The following MDGA2 variants were observed in gnomAD, a reference collection of about 807,000 sequenced individuals.
MDGA2 encodes MAM domain-containing glycosylphosphatidylinositol anchor protein 2.
In MDGA2, 40 loss-of-function variants were observed where a neutral mutation model predicts 117.8. That is an observed-to-expected ratio of 0.34 (90% CI 0.26 to 0.44). The LOEUF (loss-of-function observed/expected upper bound fraction) is 0.44. Ranked by LOEUF, MDGA2 falls within the 20% of genes least tolerant of loss-of-function variation. The probability of loss-of-function intolerance (pLI) is 1.00; values close to 1 mark genes in which losing one functional copy is unlikely to be tolerated. For synonymous variants in MDGA2, 452 were observed against 439.0 expected (o/e 1.03, Z -0.37); for missense variants, 1,123 against 1,250.6 (o/e 0.90, Z 1.54).
intron 1 of MDGA2, among the ~76,000 whole-genome samples, chr14:47,302,625 A>C (rs1052224537): frequency 2.6e-5 from 4 of 152,184 alleles, no homozygotes; most frequent in African/African-American, 9.6e-5. Flanking sequence ...CTAACATTAA[A>C]GACAATGAAT....
At chr14:47,553,755 T>A (rs1895631863) in intron 1 of MDGA2, among the ~76,000 whole-genome samples, 1 of 151,666 alleles carries the variant, frequency 6.6e-6, no homozygotes, top group East Asian at 1.9e-4. Flanking sequence ...ATAGAAAAAA[T>A]ATGGCATAAA....
intron 3 of MDGA2, among the ~76,000 whole-genome samples, chr14:47,197,833 T>C (rs1885343929): frequency 6.6e-6 from 1 of 151,956 alleles, no homozygotes; most frequent in Non-Finnish European, 1.5e-5. Flanking sequence ...CATGTGAACC[T>C]GGGATGCAGA....
At chr14:47,274,333 G>A (rs988926293) in intron 2 of MDGA2, among the ~76,000 whole-genome samples, 4 of 151,928 alleles carry the variant, frequency 2.6e-5, no homozygotes, top group Admixed American at 6.6e-5. Flanking sequence ...AAGTATGCAC[G>A]ATGTTTTTTT....
At chr14:47,295,834 G>A (rs1889046755) in intron 2 of MDGA2, among the ~76,000 whole-genome samples, 1 of 152,058 alleles carries the variant, frequency 6.6e-6, no homozygotes, top group Non-Finnish European at 1.5e-5. Context: ...AACCCAAGAG[G>A]CGGAGGTTGC....
At chr14:47,475,483 C>A (rs1376151370) in intron 1 of MDGA2, among the ~76,000 whole-genome samples, 1 of 152,094 alleles carries the variant, frequency 6.6e-6, no homozygotes, top group Non-Finnish European at 1.5e-5. Flanking sequence ...TGGCTATATA[C>A]CCGAAAGAAT....
chr14:47,530,471 T>C (rs1233393780), intron 1 of MDGA2, among the ~76,000 whole-genome samples: 1 of 152,216 alleles, frequency 6.6e-6, no homozygotes, highest in Non-Finnish European at 1.5e-5. Context: ...TAAATTCTTA[T>C]CTCTGTATAC....
intron 7 of MDGA2, among the ~76,000 whole-genome samples, chr14:47,050,666 T>C (rs1006905455): frequency 1.3e-5 from 2 of 152,022 alleles, no homozygotes; most frequent in African/African-American, 4.8e-5. Context: ...GATAGCAATT[T>C]AGAAACCCAA....
chr14:46,895,765 A>G (rs1883053008), intron 10 of MDGA2, among the ~76,000 whole-genome samples: 1 of 152,030 alleles, frequency 6.6e-6, no homozygotes, highest in Non-Finnish European at 1.5e-5. Context: ...GTATATTTCT[A>G]TAAACCTACA....
At chr14:47,011,091 A>G (rs1380204696) in intron 8 of MDGA2, among the ~76,000 whole-genome samples, 1 of 152,028 alleles carries the variant, frequency 6.6e-6, no homozygotes, top group Non-Finnish European at 1.5e-5. Flanking sequence ...TTTTAGCATC[A>G]TAGGGAAAAG....
Position 47,055,002 on chromosome 14 carries a change from CTT to C in MDGA2, c.1525+6245_1525+6246del, listed in dbSNP as rs10640408. Among the ~76,000 whole-genome samples the C allele has an allele frequency of 2.0e-3, 249 of 125,666 alleles. 1 individual carries two copies. Among genetic ancestry groups the C allele is most frequent in the Non-Finnish European group, 2.7e-3 (171 of 62,182 alleles). The allele number at this position is 125,666 out of a possible 152,430, so 82.4% of individuals were successfully genotyped here. A position where few individuals can be genotyped will look rare whatever the true frequency, so the allele number is the denominator to read the frequency against. ...CCGTTGTCCAATTTTTTTTTCTTTTCTTTTTTTTTTTTTTTTTCCAACAGATC... is the reference window on the plus strand; with the variant it reads ...CCGTTGTCCAATTTTTTTTTCTTTTCTTTTTTTTTTTTTTTCCAACAGATC... On this transcript the variant is annotated intron_variant, in intron 7 of 16. Coordinates refer to ENST00000399232, the MANE Select transcript of MDGA2 (RefSeq NM_001113498.3).
chr14:47,470,461 C>T (rs936767877), intron 1 of MDGA2, among the ~76,000 whole-genome samples: 1 of 152,106 alleles, frequency 6.6e-6, no homozygotes, highest in East Asian at 1.9e-4. Flanking sequence ...TTTTTTATGG[C>T]TGCATAGTAT....
chr14:46,908,655 T>C (rs566833906), intron 10 of MDGA2, among the ~76,000 whole-genome samples: 7 of 152,286 alleles, frequency 4.6e-5, no homozygotes, highest in African/African-American at 1.7e-4. Flanking sequence ...ATTTAAACTG[T>C]ATTCCAGATC....
chr14:47,415,221 A>C (rs1415673775), intron 1 of MDGA2, among the ~76,000 whole-genome samples: 1 of 152,208 alleles, frequency 6.6e-6, no homozygotes, highest in African/African-American at 2.4e-5. Flanking sequence ...TGGATTAATC[A>C]ATAGAGATAT....
intron 1 of MDGA2, among the ~76,000 whole-genome samples, chr14:47,602,333 G>C (rs1331790368): frequency 1.3e-5 from 2 of 152,058 alleles, no homozygotes; most frequent in African/African-American, 4.8e-5. Flanking sequence ...ACTAATTAAT[G>C]CCTGCTTCCA....
chr14:47,128,228 T>A (rs780570698), intron 5 of MDGA2, among the ~76,000 whole-genome samples: 1 of 101,682 alleles, frequency 9.8e-6, no homozygotes, highest in Non-Finnish European at 2.2e-5. Context: ...ATGTGTCAGA[T>A]GATAGAAAAA....
intron 3 of MDGA2, among the ~76,000 whole-genome samples, chr14:47,188,130 T>G (rs912331215): frequency 2.0e-5 from 3 of 152,190 alleles, no homozygotes; most frequent in Admixed American, 1.3e-4. Flanking sequence ...TCACTATTTG[T>G]GAAAAGTAGC....
intron 1 of MDGA2, among the ~76,000 whole-genome samples, chr14:47,418,365 T>G (rs1167451531): frequency 1.3e-5 from 2 of 152,126 alleles, no homozygotes. Context: ...GGATTACAGG[T>G]GCGAGCCACC....
intron 1 of MDGA2, among the ~76,000 whole-genome samples, chr14:47,476,166 A>G (rs1203347277): frequency 6.6e-6 from 1 of 152,220 alleles, no homozygotes; most frequent in Non-Finnish European, 1.5e-5. Context: ...AAATTATCAA[A>G]AGTATAACAA....
At chr14:47,005,340 A>G (rs1168475697) in intron 8 of MDGA2, among the ~76,000 whole-genome samples, 1 of 151,548 alleles carries the variant, frequency 6.6e-6, no homozygotes, top group African/African-American at 2.4e-5. Context: ...GATTTCAACA[A>G]ATTTTGGGGG....
Sources: allele counts gnomAD v4.1 joint callset (sites outside exome capture counted in the v4.1 genomes callset), GRCh38; gene constraint gnomAD v4.1.1; transcripts MANE v1.5; gene names NCBI Gene and HGNC (gene_info 2026-07-23, HGNC 2026-07-21).